The following NTM variants were observed in gnomAD, a reference collection of about 807,000 sequenced individuals.
NTM encodes IgLON family member 2.
NTM carries 13 observed loss-of-function variants against 42.1 expected under a neutral mutation model. The observed-to-expected ratio is 0.31, with a 90% CI of 0.20 to 0.49. The LOEUF is 0.49. Among genes scored for constraint, NTM ranks in the 20% least tolerant of loss-of-function variants. The pLI is 0.99. For synonymous variants in NTM, 187 were observed against 179.2 expected, an observed-to-expected ratio of 1.04 and a Z score of -0.35; for missense variants, 373 against 452.8, an observed-to-expected ratio of 0.82 and a Z score of 1.60.
intron 1 of NTM, among the ~76,000 whole-genome samples, chr11:131,568,551 C>G (rs1354419951): frequency 6.6e-6 from 1 of 152,176 alleles, no homozygotes; most frequent in East Asian, 1.9e-4. Context: ...TTTGATTGGT[C>G]AGATGTGAAA....
intron 4 of NTM, among the ~76,000 whole-genome samples, chr11:132,227,152 A>C (rs1385442303): frequency 1.3e-5 from 2 of 152,200 alleles, no homozygotes; most frequent in Admixed American, 6.5e-5. Flanking sequence ...CCAATAGTCC[A>C]GTGTCAGGAA....
At chr11:131,852,360 G>A (rs1353998039) in intron 1 of NTM, among the ~76,000 whole-genome samples, 1 of 152,234 alleles carries the variant, frequency 6.6e-6, no homozygotes, top group Non-Finnish European at 1.5e-5. Flanking sequence ...TAATACAACA[G>A]AGGCTCCCAC....
At chr11:131,727,772 A>G (rs2079136322) in intron 1 of NTM, among the ~76,000 whole-genome samples, 1 of 152,176 alleles carries the variant, frequency 6.6e-6, no homozygotes, top group Admixed American at 6.5e-5. Context: ...ATCTGCTGTC[A>G]TACAGCTCAT....
At chr11:131,565,791 C>T (rs2056821508) in intron 1 of NTM, among the ~76,000 whole-genome samples, 1 of 152,148 alleles carries the variant, frequency 6.6e-6, no homozygotes, top group Non-Finnish European at 1.5e-5. Flanking sequence ...ACCTGGGGCA[C>T]CTCACTGGAG....
At chr11:132,238,417 C>T (rs188110046) in intron 4 of NTM, among the ~76,000 whole-genome samples, 11 of 152,264 alleles carry the variant, frequency 7.2e-5, no homozygotes, top group Non-Finnish European at 1.0e-4. Flanking sequence ...CCACATGCCT[C>T]CCCTCTCTAA....
At chr11:132,240,580 C>A (rs2139201791) in intron 4 of NTM, among the ~76,000 whole-genome samples, 1 of 152,356 alleles carries the variant, frequency 6.6e-6, no homozygotes, top group South Asian at 2.1e-4. Context: ...GAACCCTCAG[C>A]TTAGCTCTAG....
intron 1 of NTM, among the ~76,000 whole-genome samples, chr11:131,802,800 A>G (rs1468322676): frequency 6.6e-6 from 1 of 152,050 alleles, no homozygotes; most frequent in African/African-American, 2.4e-5. Flanking sequence ...AGAAACAAAA[A>G]CTCAGTGTTA....
Position 132,237,940 on chromosome 11 carries a change from A to C in NTM, c.526+25793A>C, listed in dbSNP as rs144467109. On this transcript the variant is annotated intron_variant, in intron 4 of 8. Transcript: ENST00000683400. ...CTACTTTGCCATAATATTAGCTCTG[A>C]GCCGTGACTCCATTACCATTATCAC... is the stretch of plus-strand genomic sequence containing the variant. 3.3e-3 allele frequency among the ~76,000 whole-genome samples: 498 copies of C among 152,258 alleles called. 4 individuals are homozygous for C. Among genetic ancestry groups the C allele is most frequent in the African/African-American group, 0.011 (458 of 41,558 alleles).
At chr11:132,047,831 T>C (rs1437251014) in intron 2 of NTM, among the ~76,000 whole-genome samples, 1 of 152,204 alleles carries the variant, frequency 6.6e-6, no homozygotes, top group Non-Finnish European at 1.5e-5. Flanking sequence ...CAGAATTTTC[T>C]GTCTTACGTA....
chr11:131,615,288 T>G (rs574823492), intron 1 of NTM, among the ~76,000 whole-genome samples: 1 of 152,194 alleles, frequency 6.6e-6, no homozygotes, highest in African/African-American at 2.4e-5. Flanking sequence ...ATCTGCATCA[T>G]GGGGTTGGCA....
chr11:132,068,552 C>A (rs765304717), intron 2 of NTM, among the ~76,000 whole-genome samples: 10 of 152,210 alleles, frequency 6.6e-5, no homozygotes, highest in Non-Finnish European at 1.3e-4. Context: ...CATGCACTTA[C>A]AAGTTCTTTG....
chr11:131,406,259 T>C (rs747953380), intron 1 of NTM, among the ~76,000 whole-genome samples: 1 of 152,218 alleles, frequency 6.6e-6, no homozygotes, highest in Non-Finnish European at 1.5e-5. Flanking sequence ...GATATATGAA[T>C]GTAAGAGCAT....
At chr11:132,094,825 A>G (rs1174162392) in intron 2 of NTM, among the ~76,000 whole-genome samples, 1 of 152,132 alleles carries the variant, frequency 6.6e-6, no homozygotes, top group East Asian at 1.9e-4. Context: ...CCATGTGTGC[A>G]TCAGTGTGTA....
chr11:132,255,803 T>A (rs1370350199), intron 4 of NTM, among the ~76,000 whole-genome samples: 1 of 152,044 alleles, frequency 6.6e-6, no homozygotes, highest in Non-Finnish European at 1.5e-5. Flanking sequence ...CCACTTCCAT[T>A]CCAGTCAGCC....
intron 1 of NTM, chr11:131,540,995 T>C (rs556566445): frequency 6.6e-6 from 1 of 152,314 alleles, no homozygotes; most frequent in South Asian, 2.1e-4. Flanking sequence ...CGAGAGGAAA[T>C]TGCATTTATT....
chr11:131,410,638 T>C (rs1277166130), intron 1 of NTM, among the ~76,000 whole-genome samples: 1 of 152,184 alleles, frequency 6.6e-6, no homozygotes, highest in African/African-American at 2.4e-5. Context: ...AATCTTTTTT[T>C]GTAATTATGT....
At chr11:131,751,742 G>A (rs937021086) in intron 1 of NTM, among the ~76,000 whole-genome samples, 2 of 152,002 alleles carry the variant, frequency 1.3e-5, no homozygotes, top group African/African-American at 2.4e-5. Context: ...CCTGCTGACA[G>A]AGCAAGATTC....
chr11:131,433,792 T>C (rs1262228037), intron 1 of NTM, among the ~76,000 whole-genome samples: 1 of 152,220 alleles, frequency 6.6e-6, no homozygotes, highest in Non-Finnish European at 1.5e-5. Context: ...TACAAGGTGT[T>C]GATACAGACT....
chr11:131,839,011 A>G (rs1205389027), intron 1 of NTM, among the ~76,000 whole-genome samples: 1 of 147,206 alleles, frequency 6.8e-6, no homozygotes, highest in African/African-American at 2.6e-5. Flanking sequence ...CCCGGGCTGG[A>G]GTGCAATGGC....
Sources: allele counts gnomAD v4.1 joint callset (sites outside exome capture counted in the v4.1 genomes callset), GRCh38; gene constraint gnomAD v4.1.1; transcripts MANE v1.5; gene names NCBI Gene and HGNC (gene_info 2026-07-23, HGNC 2026-07-21).